Variants in TUB observed in about 807,000 individuals in gnomAD.
The protein encoded by TUB is TUB bipartite transcription factor, also known as tubby protein homolog.
Under a neutral mutation model 59.7 loss-of-function variants are expected in TUB, and 33 were observed. That is an observed-to-expected ratio of 0.55 (90% CI 0.42 to 0.74). The LOEUF (loss-of-function observed/expected upper bound fraction) is 0.74. Among genes scored for constraint, TUB ranks in the 30% least tolerant of loss-of-function variants. The probability of loss-of-function intolerance (pLI) is 0.00; values close to 1 mark genes in which losing one functional copy is unlikely to be tolerated. For synonymous variants in TUB, 293 were observed against 256.4 expected, an observed-to-expected ratio of 1.14 and a Z score of -1.36; for missense variants, 659 against 672.0, an observed-to-expected ratio of 0.98 and a Z score of 0.21.
At chr11:8,073,767 A>T (rs886329079) in intron 2 of TUB, among the ~76,000 whole-genome samples, 1 of 152,230 alleles carries the variant, frequency 6.6e-6, no homozygotes, top group African/African-American at 2.4e-5. Context: ...CTGGGCTTAG[A>T]TGCCCCCTGG....
rs1371590314 is a variant in TUB, at chr11:8,081,498, G to GC, written c.-8dup. 4 of 1,525,622 alleles carry GC rather than the reference G, an allele frequency of 2.6e-6. No homozygotes were observed. Among genetic ancestry groups the GC allele is most frequent in the East Asian group, 5.4e-5 (2 of 36,948 alleles). The allele number at this position is 1,525,622 out of a possible 1,614,324, so 94.5% of individuals were successfully genotyped here. The stretch of plus-strand genomic sequence containing the variant: ...CCTCCAGAGCCGCAGCCACCGCCCC[G>GC]CCCCCGAGAGACATGACTTCCAAGC... On this transcript the variant is annotated 5_prime_UTR_variant, in exon 1 of 12. Coordinates refer to ENST00000299506, the MANE Select transcript of TUB (RefSeq NM_177972.3).
chr11:8,069,520 T>C (rs1943319036), intron 2 of TUB: 1 of 152,180 alleles, frequency 6.6e-6, no homozygotes, highest in Non-Finnish European at 1.5e-5. Context: ...ACCGTCACAC[T>C]GCTTCAGTTG....
chr11:8,100,490 TTC>T lies in TUB; in HGVS notation c.1117-9_1117-8del, dbSNP rs768639987. On this transcript the variant is annotated splice_polypyrimidine_tract_variant and intron_variant, in intron 9 of 11. Transcript: ENST00000299506. ...GACGCCTCAGGTGGCCAGTGTTGCG[TTC>T]TCTTTCCCAGGAGACAAACGTCTTA... 3 of 1,612,542 alleles carry T rather than the reference TTC, an allele frequency of 1.9e-6. No individual in the cohort carries two copies. The highest frequency in any genetic ancestry group is 1.1e-5 in the South Asian group (1 of 90,922).
intron 2 of TUB, among the ~76,000 whole-genome samples, chr11:8,055,794 C>A (rs1589936888): frequency 6.6e-6 from 1 of 152,248 alleles, no homozygotes; most frequent in South Asian, 2.1e-4. Flanking sequence ...GAAAGGAGCA[C>A]CCCCTTGGAG....
chr11:8,030,396 C>G (rs896443909), intron 1 of TUB, among the ~76,000 whole-genome samples: 1 of 152,154 alleles, frequency 6.6e-6, no homozygotes, highest in Non-Finnish European at 1.5e-5. Flanking sequence ...GATTCTGGCC[C>G]AGCATGTGCT....
Position 8,102,852 on chromosome 11 carries a change from TC to T in TUB, c.*1234del, listed in dbSNP as rs1364437550. On this transcript the variant is annotated 3_prime_UTR_variant, in exon 12 of 12. Coordinates refer to ENST00000299506, the MANE Select transcript of TUB (RefSeq NM_177972.3). ...CTGGTTAATGGCAGCATTCAGAACT[TC>T]AAGTTCTCTTGATTTCTTTGTTCCC... The T allele has an allele frequency of 2.0e-5, 3 of 152,200 alleles. No homozygotes were observed. Among genetic ancestry groups the T allele is most frequent in the Non-Finnish European group, 4.4e-5 (3 of 68,036 alleles). 9.4% of individuals were successfully genotyped at this position (152,200 alleles called of 1,614,324 possible). A position where few individuals can be genotyped will look rare whatever the true frequency, so the allele number is the denominator to read the frequency against.
intron 1 of TUB, among the ~76,000 whole-genome samples, chr11:8,083,299 C>T (rs1373666756): frequency 6.6e-6 from 1 of 152,176 alleles, no homozygotes; most frequent in Admixed American, 6.5e-5. Context: ...AGGGGCAGCA[C>T]TTACGGCTGT....
chr11:8,069,274 C>T (rs549168638), intron 2 of TUB: 43 of 152,238 alleles, frequency 2.8e-4, no homozygotes, highest in African/African-American at 9.6e-4. Context: ...GAAAATCAGC[C>T]CAGTCTCATA....
intron 3 of TUB, among the ~76,000 whole-genome samples, chr11:8,090,842 C>G (rs1943757469): frequency 6.6e-6 from 1 of 152,022 alleles, no homozygotes; most frequent in Non-Finnish European, 1.5e-5. Flanking sequence ...ATGGCTGCAG[C>G]ACATCTCTGT....
chr11:8,021,775 G>A (rs1249893801), intron 1 of TUB, among the ~76,000 whole-genome samples: 1 of 151,862 alleles, frequency 6.6e-6, no homozygotes, highest in Non-Finnish European at 1.5e-5. Flanking sequence ...AATTAGCTGG[G>A]CGTGGTGTCG....
intron 2 of TUB, among the ~76,000 whole-genome samples, chr11:8,067,224 G>T (rs561683182): frequency 6.6e-6 from 1 of 152,186 alleles, no homozygotes; most frequent in African/African-American, 2.4e-5. Flanking sequence ...TATGAGAGCC[G>T]GCACAGGGCA....
chr11:8,076,734 A>G (rs1043391844), upstream of TUB: 1 of 152,164 alleles, frequency 6.6e-6, no homozygotes, highest in Non-Finnish European at 1.5e-5. Flanking sequence ...CCTCATAACC[A>G]TTCGATCTGG....
At chr11:8,077,431 T>G (rs1355224856), upstream of TUB, 1 of 152,202 alleles carries the variant, frequency 6.6e-6, no homozygotes, top group Non-Finnish European at 1.5e-5. Flanking sequence ...GTTTGCACCT[T>G]GGTTTTCAAG....
Position 8,089,667 on chromosome 11 carries a change from T to C in TUB, c.90+6T>C. ...AGCAGAAGCTTGATCGGCAGGTGAG[T>C]AGGCCTGGGGCCGGGTAGAAGGGAA... On this transcript the variant is annotated splice_donor_region_variant and intron_variant, in intron 2 of 11. Transcript: ENST00000299506. 1 of 1,614,002 alleles carries C rather than the reference T, an allele frequency of 6.2e-7. No homozygotes were observed. The highest frequency in any genetic ancestry group is 1.3e-5 in the African/African-American group (1 of 75,000).
chr11:8,101,834 GGATGAGAATAAT>G lies in TUB; in HGVS notation c.*216_*227del. The G allele has an allele frequency of 1.4e-6, 1 of 703,248 alleles. No homozygotes were observed. Among genetic ancestry groups the G allele is most frequent in the South Asian group, 2.1e-5 (1 of 48,492 alleles). The allele number at this position is 703,248 out of a possible 1,614,324, so 43.6% of individuals were successfully genotyped here. Reference sequence around the variant, plus strand: ...GGAGAGCGGGTGGGTGGGTGTGAAGGGATGAGAATAATTCTTTCCATGCCACGAGATCAACAC... The same window carrying G: ...GGAGAGCGGGTGGGTGGGTGTGAAGGTCTTTCCATGCCACGAGATCAACAC... On this transcript the variant is annotated 3_prime_UTR_variant, in exon 12 of 12. Coordinates refer to ENST00000299506, the MANE Select transcript of TUB (RefSeq NM_177972.3).
intron 1 of TUB, among the ~76,000 whole-genome samples, chr11:8,020,484 A>T (rs74052186): frequency 1.5e-4 from 23 of 152,132 alleles, no homozygotes; most frequent in African/African-American, 4.6e-4. Flanking sequence ...CCCCGTATTA[A>T]TCCCATCTGT....
chr11:8,062,499 C>G (rs1564907058), intron 2 of TUB, among the ~76,000 whole-genome samples: 1 of 127,904 alleles, frequency 7.8e-6, no homozygotes, highest in Non-Finnish European at 1.7e-5. Flanking sequence ...CAGGGCCTTC[C>G]TCTGAAGGTT....
intron 2 of TUB, 24 bp from the exon 3 acceptor site, chr11:8,090,045 C>T: frequency 6.4e-7 from 1 of 1,568,574 alleles, no homozygotes; most frequent in Non-Finnish European, 8.6e-7. Context: ...GGCAGTGGGT[C>T]AGCCAACCTC....
At chr11:8,055,484 G>C (rs1943005875) in intron 2 of TUB, among the ~76,000 whole-genome samples, 1 of 152,146 alleles carries the variant, frequency 6.6e-6, no homozygotes, top group Non-Finnish European at 1.5e-5. Context: ...ATGGGCCCCA[G>C]AGCCCACCCA....
Sources: gnomAD v4.1 joint callset for allele counts (sites outside exome capture counted in the v4.1 genomes callset) on GRCh38, gnomAD v4.1.1 for gene constraint, MANE v1.5 for transcripts, NCBI Gene and HGNC (gene_info 2026-07-23, HGNC 2026-07-21) for gene names.